The following ATP6V0A2 variants were observed in gnomAD, a reference collection of about 807,000 sequenced individuals.
ATP6V0A2 encodes ATPase H+ transporting V0 subunit a2, also known as V-type proton ATPase 116 kDa subunit a 2.
A neutral mutation model predicts 104.4 loss-of-function variants in ATP6V0A2; 58 were observed. The observed-to-expected ratio is 0.56, with a 90% CI of 0.45 to 0.69. The LOEUF (loss-of-function observed/expected upper bound fraction) is 0.69. Ranked by LOEUF, ATP6V0A2 falls within the 30% of genes least tolerant of loss-of-function variation. ATP6V0A2 has a pLI of 0.00. For missense variants in ATP6V0A2, 938 were observed against 1,062.9 expected (o/e 0.88, Z 1.63); for synonymous variants, 376 against 397.9 (o/e 0.95, Z 0.65).
At position 123,748,712 on chromosome 12, in the gene ATP6V0A2, C is replaced by T. The variant is rs1291644458; in HGVS notation, c.1862C>T (p.Pro621Leu). Residue 621 changes from proline (P) to leucine (L), a missense_variant, in exon 15 of 20, where the codon CCC becomes CTC. Physicochemically the swap from Pro to Leu is moderately conservative, Grantham distance 98 (BLOSUM62 -3). Coordinates refer to ENST00000330342, the MANE Select transcript of ATP6V0A2 (RefSeq NM_012463.4). ...VFSAETSRVA[P>L]SILIEFINMF... The stretch of plus-strand genomic sequence containing the variant: ...TCAGCAGAAACCTCCAGAGTTGCTC[C>T]CAGCATTCTGATTGAATTTATTAAC... The T allele has an allele frequency of 6.2e-7, 1 of 1,614,178 alleles. No individual in the cohort carries two copies. Among genetic ancestry groups the T allele is most frequent in the Non-Finnish European group, 8.5e-7 (1 of 1,180,030 alleles).
intron 4 of ATP6V0A2, 95 bp downstream of exon 4, chr12:123,724,886 A>T: frequency 3.1e-6 from 3 of 969,934 alleles, no homozygotes; most frequent in Non-Finnish European, 4.8e-6. Flanking sequence ...CTATTAGTTC[A>T]TATAGATATG....
In ATP6V0A2 at chr12:123,748,721, T is replaced by G. The variant is rs1459174888; in HGVS notation, c.1871T>G (p.Leu624Arg). 6.2e-7 allele frequency: 1 copy of G among 1,614,124 alleles called. No homozygotes were observed. The highest frequency in any genetic ancestry group is 1.3e-5 in the African/African-American group (1 of 74,946). ...ACCTCCAGAGTTGCTCCCAGCATTC[T>G]GATTGAATTTATTAACATGTTTTTA... The part of the protein sequence containing the change: ...AETSRVAPSI[L>R]IEFINMFLFP... Residue 624 changes from leucine to arginine, a missense_variant, in exon 15 of 20, where the codon CTG becomes CGG. Transcript: ENST00000330342.
Position 123,712,815 on chromosome 12 carries a change from GAC to G in ATP6V0A2, c.117+136_117+137del, listed in dbSNP as rs2135871275. ...TCCCCATTGTCCAGACGGGGAAGATGACACCCCAGCTCAGCGGCCAAAGCTTC... is the reference window on the plus strand; with the variant it reads ...TCCCCATTGTCCAGACGGGGAAGATGACCCCAGCTCAGCGGCCAAAGCTTC... On this transcript the variant is annotated intron_variant, in intron 1 of 19. Transcript: ENST00000330342. The G allele has an allele frequency of 7.2e-6, 6 of 833,292 alleles. No individual in the cohort carries two copies. The South Asian group carries it at 8.8e-5, about 12-fold the overall frequency. The allele number at this position is 833,292 out of a possible 1,614,324, so 51.6% of individuals were successfully genotyped here. A position where few individuals can be genotyped will look rare whatever the true frequency, so the allele number is the denominator to read the frequency against.
At chr12:123,752,427 T>C in intron 17 of ATP6V0A2, 25 bp downstream of exon 17, 1 of 1,612,748 alleles carries the variant, frequency 6.2e-7, no homozygotes, top group Non-Finnish European at 8.5e-7. Flanking sequence ...CTGCTATTGA[T>C]AAACTTAGAT....
Position 123,743,947 on chromosome 12 carries a change from G to T in ATP6V0A2, c.1189+12G>T, listed in dbSNP as rs377235629. 1.4e-3 allele frequency: 2,218 copies of T among 1,614,140 alleles called. 4 individuals carry two copies. The highest frequency in any genetic ancestry group is 4.0e-3 in the Middle Eastern group (24 of 6,062). ...AGAAGTCAATCCAGGTTGGAAGTCTGATTTGTAAATACCCGTATTTCCAAT... is the reference window on the plus strand; with the variant it reads ...AGAAGTCAATCCAGGTTGGAAGTCTTATTTGTAAATACCCGTATTTCCAAT... On this transcript the variant is annotated intron_variant, in intron 10 of 19. Coordinates refer to ENST00000330342, the MANE Select transcript of ATP6V0A2 (RefSeq NM_012463.4).
chr12:123,744,392 C>T lies in ATP6V0A2; in HGVS notation c.1326+55C>T. The T allele has an allele frequency of 1.2e-6, 2 of 1,610,814 alleles. No individual in the cohort carries two copies. Among genetic ancestry groups the T allele is most frequent in the Non-Finnish European group, 1.7e-6 (2 of 1,177,232 alleles). On this transcript the variant is annotated intron_variant, in intron 11 of 19. Transcript: ENST00000330342. This position sits in a 1 kb window ranked among gnomAD's most constrained non-coding sequence, Gnocchi z 5.4. The stretch of plus-strand genomic sequence containing the variant: ...TCTGGTTAGGTGGCATTAGCAGTGA[C>T]CGAAAGAGAGACACCTCTTAGATGT...
intron 6 of ATP6V0A2, among the ~76,000 whole-genome samples, chr12:123,730,044 CTTTTTTTTTTTTT>C (rs776847603): frequency 1.4e-5 from 1 of 70,308 alleles, no homozygotes; most frequent in Non-Finnish European, 2.6e-5. Flanking sequence ...GGAGTTAGGT[CTTTTTTTTTTTTT>C]TTTTTTTTTT....
intron 7 of ATP6V0A2, 34 bp downstream of exon 7, chr12:123,734,042 C>T: frequency 6.5e-7 from 1 of 1,539,222 alleles, no homozygotes; most frequent in Non-Finnish European, 9.0e-7. Flanking sequence ...TCATTTATGT[C>T]TTTATATTCA....
chr12:123,721,359 G>T, intron 2 of ATP6V0A2: 1 of 163,404 alleles, frequency 6.1e-6, no homozygotes, highest in East Asian at 1.6e-4. Flanking sequence ...CTGAAAACCT[G>T]GTGGTTTTGT....
chr12:123,733,825 G>A (rs1204337882), intron 6 of ATP6V0A2, 101 bp from the exon 7 acceptor site: 1 of 842,556 alleles, frequency 1.2e-6, no homozygotes, highest in Non-Finnish European at 2.1e-6. Context: ...TGACTGTATT[G>A]AATGAGTGAA....
chr12:123,732,632 A>ATTTT lies in ATP6V0A2; in HGVS notation c.649-1286_649-1283dup, dbSNP rs55810827. The ATTTT allele has an allele frequency of 4.3e-4, 62 of 143,780 alleles. 1 individual carries two copies. Among genetic ancestry groups the ATTTT allele is most frequent in the South Asian group, 6.6e-4 (3 of 4,514 alleles). 8.9% of individuals were successfully genotyped at this position (143,780 alleles called of 1,614,324 possible). A position where few individuals can be genotyped will look rare whatever the true frequency, so the allele number is the denominator to read the frequency against. On this transcript the variant is annotated intron_variant, in intron 6 of 19. Coordinates refer to ENST00000330342, the MANE Select transcript of ATP6V0A2 (RefSeq NM_012463.4). ...TGGGGCTCGCGTCCTCACCTCCTGCATTTTTTTTTTTCCATTTACCCTGAC... is the reference window on the plus strand; with the variant it reads ...TGGGGCTCGCGTCCTCACCTCCTGCATTTTTTTTTTTTTTTCCATTTACCCTGAC...
intron 5 of ATP6V0A2, among the ~76,000 whole-genome samples, chr12:123,727,068 T>G (rs919611459): frequency 6.6e-6 from 1 of 152,176 alleles, no homozygotes; most frequent in African/African-American, 2.4e-5. Flanking sequence ...AAGGTAGATT[T>G]TTTTTCTGGT....
At position 123,757,034 on chromosome 12, in the gene ATP6V0A2, GC is replaced by G. The variant is rs754711014; in HGVS notation, c.2465+55del. Reference sequence around the variant, plus strand: ...GAGCTGTTATTTAAAAAACATACCCGCCCCCCCACTGCCCCGCCCAACCAAA... The same window carrying G: ...GAGCTGTTATTTAAAAAACATACCCGCCCCCCACTGCCCCGCCCAACCAAA... On this transcript the variant is annotated intron_variant, in intron 19 of 19. Coordinates refer to ENST00000330342, the MANE Select transcript of ATP6V0A2 (RefSeq NM_012463.4). 7.1e-5 allele frequency: 114 copies of G among 1,595,924 alleles called. No individual in the cohort carries two copies. In the African/African-American group the frequency reaches 1.2e-3, roughly 17 times the overall value.
At chr12:123,717,714 G>T (rs1460220432) in intron 1 of ATP6V0A2, among the ~76,000 whole-genome samples, 1 of 151,982 alleles carries the variant, frequency 6.6e-6, no homozygotes, top group Non-Finnish European at 1.5e-5. Flanking sequence ...AAATTGCTGG[G>T]ATTATCAACA....
chr12:123,718,017 C>T (rs762376419), intron 1 of ATP6V0A2, among the ~76,000 whole-genome samples: 7 of 151,500 alleles, frequency 4.6e-5, no homozygotes, highest in Non-Finnish European at 5.9e-5. Context: ...CTCTGCCTCT[C>T]GGGCTCAAGC....
chr12:123,720,032 C>T (rs1386236960), intron 2 of ATP6V0A2, among the ~76,000 whole-genome samples: 2 of 152,196 alleles, frequency 1.3e-5, no homozygotes, highest in African/African-American at 2.4e-5. Context: ...AACTTACTCA[C>T]CTGACTTTGG....
intron 13 of ATP6V0A2, among the ~76,000 whole-genome samples, chr12:123,745,578 C>T (rs1035753104): frequency 2.6e-5 from 4 of 151,978 alleles, no homozygotes; most frequent in East Asian, 1.9e-4. Context: ...TGGTGGCTGG[C>T]GCCTGTAGTC....
intron 1 of ATP6V0A2, among the ~76,000 whole-genome samples, chr12:123,714,967 C>A (rs1444663644): frequency 1.3e-5 from 2 of 152,118 alleles, no homozygotes; most frequent in East Asian, 3.9e-4. Context: ...GTAGTCCTAG[C>A]TACTCTCAGA....
chr12:123,712,782 G>A, intron 1 of ATP6V0A2, 100 bp downstream of exon 1: 1 of 1,021,928 alleles, frequency 9.8e-7, no homozygotes, highest in Non-Finnish European at 1.5e-6. Flanking sequence ...GAGGAAGGGC[G>A]CGCCCCGTCC....
Sources: gnomAD v4.1 joint callset for allele counts (sites outside exome capture counted in the v4.1 genomes callset) on GRCh38, gnomAD v4.1.1 for gene constraint, Gnocchi (gnomAD v3.1) non-coding constraint, MANE v1.5 for transcripts, NCBI Gene and HGNC (gene_info 2026-07-23, HGNC 2026-07-21) for gene names.